Variants in MPDZ observed in about 807,000 individuals in gnomAD.
MPDZ encodes multiple PDZ domain crumbs cell polarity complex component, also known as multiple PDZ domain protein.
Under a neutral mutation model 239.1 loss-of-function variants are expected in MPDZ, and 234 were observed. The ratio of observed to expected loss-of-function variants is 0.98; its 90% CI spans 0.88 to 1.09. The LOEUF (loss-of-function observed/expected upper bound fraction) is 1.09. Among genes scored for constraint, MPDZ ranks in the 50% least tolerant of loss-of-function variants. MPDZ has a pLI of 0.00. For synonymous variants in MPDZ, 1,048 were observed against 881.3 expected (o/e 1.19, Z -3.35); for missense variants, 3,175 against 2,510.0 (o/e 1.26, Z -5.66).
At position 13,112,111 on chromosome 9, in the gene MPDZ, T is replaced by G. The variant is rs1942592221; in HGVS notation, c.5637A>C (p.Gly1879=). ...PTDSLGISIA[G]GVGSPLGDVP... is the part of the protein sequence containing the mutation. ...CATCACCAAGTGGGCTGCCTACTCC[T>G]CCAGCGATGCTGATTCCCAGTGAGT... is the stretch of plus-strand genomic sequence containing the variant. The change falls in exon 43 of 47, where the codon GGA becomes GGC. Residue 1879 remains glycine (G), a synonymous_variant. Transcript: ENST00000319217. 6.2e-7 allele frequency: 1 copy of G among 1,613,362 alleles called. No individual in the cohort carries two copies. The highest frequency in any genetic ancestry group is 2.2e-5 in the East Asian group (1 of 44,854).
At chr9:13,261,504 T>C (rs1047112774) in intron 1 of MPDZ, among the ~76,000 whole-genome samples, 1 of 152,164 alleles carries the variant, frequency 6.6e-6, no homozygotes, top group African/African-American at 2.4e-5. Flanking sequence ...CCCTTGTTCC[T>C]TTATTTCATT....
chr9:13,115,335 C>T lies in MPDZ; in HGVS notation c.5380-1G>A. On this transcript the variant is annotated splice_acceptor_variant, in intron 39 of 46. Coordinates refer to ENST00000319217, the MANE Select transcript of MPDZ (RefSeq NM_001378778.1). LOFTEE classifies it high-confidence loss of function. ...CCAAGGTTACTGTGCCTAGGGAACA[C>T]TGGGGGTGGGCATGGGGGGTGTTTT... is the stretch of plus-strand genomic sequence containing the variant. 1 of 1,611,386 alleles carries T rather than the reference C, an allele frequency of 6.2e-7. No homozygotes were observed. The highest frequency in any genetic ancestry group is 8.5e-7 in the Non-Finnish European group (1 of 1,178,746).
chr9:13,190,355 A>T, intron 15 of MPDZ, 56 bp from the exon 16 acceptor site: 1 of 1,347,606 alleles, frequency 7.4e-7, no homozygotes, highest in Non-Finnish European at 9.6e-7. Flanking sequence ...TGACACACAT[A>T]CCAACACTAC....
In MPDZ at chr9:13,224,403, A is replaced by G; in HGVS notation, c.364T>C (p.Phe122Leu). 3.1e-6 allele frequency: 5 copies of G among 1,612,658 alleles called. No individual in the cohort carries two copies. The highest frequency in any genetic ancestry group is 4.2e-6 in the Non-Finnish European group (5 of 1,179,140). ...GCCATATTTTTGATAAGCTGATCAA[A>G]TTCATCACAAGCAGGTTTCCCATTA... ...HINGKPACDE[F>L]DQLIKNMAQG... Residue 122 changes from phenylalanine (F) to leucine (L), a missense_variant, in exon 4 of 47, where the codon TTT becomes CTT. Transcript: ENST00000319217.
At chr9:13,261,329 T>A (rs1026137925) in intron 1 of MPDZ, among the ~76,000 whole-genome samples, 1 of 152,104 alleles carries the variant, frequency 6.6e-6, no homozygotes, top group Non-Finnish European at 1.5e-5. Context: ...CAATCACTGA[T>A]CTCCATTTTT....
At chr9:13,263,910 A>G (rs1413558637) in intron 1 of MPDZ, among the ~76,000 whole-genome samples, 1 of 152,216 alleles carries the variant, frequency 6.6e-6, no homozygotes, top group Non-Finnish European at 1.5e-5. Flanking sequence ...CAATATATAT[A>G]AGCTAATACT....
Position 13,129,585 on chromosome 9 carries a change from C to G in MPDZ, c.4465-2813G>C, listed in dbSNP as rs116140583. Among the ~76,000 whole-genome samples the G allele has an allele frequency of 9.9e-3, 1,501 of 152,224 alleles. 7 individuals carry two copies. The highest frequency in any genetic ancestry group is 0.026 in the African/African-American group (1,091 of 41,564). On this transcript the variant is annotated intron_variant, in intron 32 of 46. Transcript: ENST00000319217. ...ATTTTTTATCTAACTGCTCAACTTT[C>G]CAACTTACTTTTACCAGAGTGCATA...
chr9:13,253,621 A>T (rs973937525), intron 1 of MPDZ, among the ~76,000 whole-genome samples: 3 of 152,196 alleles, frequency 2.0e-5, no homozygotes, highest in African/African-American at 7.2e-5. Flanking sequence ...TACCTGAGTG[A>T]TAACAGTGGG....
chr9:13,129,477 A>G (rs895173035), intron 32 of MPDZ, among the ~76,000 whole-genome samples: 2 of 151,758 alleles, frequency 1.3e-5, no homozygotes, highest in Non-Finnish European at 2.9e-5. Flanking sequence ...ATAAATAAAT[A>G]AATAAATAAA....
At chr9:13,143,674 T>A in intron 26 of MPDZ, 110 bp from the exon 27 acceptor site, 1 of 803,522 alleles carries the variant, frequency 1.2e-6, no homozygotes, top group Middle Eastern at 2.4e-4. Context: ...TGAAACTAGA[T>A]CCTATCAGAT....
In MPDZ at chr9:13,123,172, C is replaced by G. The variant is rs1357575894; in HGVS notation, c.4934G>C (p.Gly1645Ala). ...GRTGLGLSIVGGSDTLLGAII... is the reference protein window; with the variant it reads ...GRTGLGLSIVAGSDTLLGAII... The stretch of plus-strand genomic sequence containing the variant: ...GCTCACCAGCAGCGTGTCTGAACCC[C>G]CAACGATGCTCAGGCCCAGCCCTGT... The change falls in exon 36 of 47, where the codon GGG becomes GCG. Residue 1645 changes from glycine (G) to alanine (A), a missense_variant. Transcript: ENST00000319217. The G allele has an allele frequency of 6.2e-7, 1 of 1,612,368 alleles. No homozygotes were observed. Among genetic ancestry groups the G allele is most frequent in the Non-Finnish European group, 8.5e-7 (1 of 1,179,652 alleles).
At chr9:13,188,309 G>GAA (rs1954413803) in intron 17 of MPDZ, among the ~76,000 whole-genome samples, 1 of 152,082 alleles carries the variant, frequency 6.6e-6, no homozygotes, top group African/African-American at 2.4e-5. Flanking sequence ...CTTGAGGTAA[G>GAA]GAGTTCGAGA....
intron 10 of MPDZ, among the ~76,000 whole-genome samples, chr9:13,215,254 C>A (rs1958147404): frequency 1.3e-5 from 2 of 151,740 alleles, no homozygotes; most frequent in South Asian, 2.1e-4. Context: ...AGCATAATGT[C>A]CTCAAGGTTT....
intron 2 of MPDZ, 115 bp from the exon 3 acceptor site, chr9:13,247,916 T>A: frequency 9.6e-7 from 1 of 1,036,426 alleles, no homozygotes; most frequent in South Asian, 1.9e-5. Flanking sequence ...CATAAAATTG[T>A]CTCTTTTAAA....
chr9:13,222,118 T>G, intron 6 of MPDZ, 115 bp downstream of exon 6: 2 of 701,044 alleles, frequency 2.9e-6, no homozygotes, highest in Non-Finnish European at 4.5e-6. Flanking sequence ...AATAAAAGAA[T>G]AGTCAGACAA....
rs1013170897 is a variant in MPDZ at position 13,109,019 on chromosome 9, C to T, written c.5983G>A (p.Asp1995Asn). 1 of 1,588,852 alleles carries T rather than the reference C, an allele frequency of 6.3e-7. No individual in the cohort carries two copies. The highest frequency in any genetic ancestry group is 8.6e-7 in the Non-Finnish European group (1 of 1,165,944). The stretch of plus-strand genomic sequence containing the variant: ...CCAACTATACTGAAGCCTAAGCCAT[C>T]TGGTCCTCGCTCTAGTGTAATAGAC... ...CKSITLERGP[D>N]GLGFSIVGGY... Residue 1995 changes from aspartate (D) to asparagine (N), a missense_variant, in exon 46 of 47, where the codon GAT becomes AAT. Physicochemically the swap from Asp to Asn is conservative, Grantham distance 23. Transcript: ENST00000319217.
chr9:13,122,237 G>T, intron 36 of MPDZ, 67 bp from the exon 37 acceptor site: 1 of 1,389,220 alleles, frequency 7.2e-7, no homozygotes, highest in Non-Finnish European at 1.0e-6. Flanking sequence ...CAGAAATGGA[G>T]TCCAAACACA....
At chr9:13,108,486 A>G (rs185738537) in intron 46 of MPDZ, among the ~76,000 whole-genome samples, 69 of 152,184 alleles carry the variant, frequency 4.5e-4, no homozygotes, top group Non-Finnish European at 9.0e-4. Context: ...AATGAAATTA[A>G]ATTTATAAAA....
intron 10 of MPDZ, among the ~76,000 whole-genome samples, chr9:13,209,140 T>C (rs1163215188): frequency 1.3e-5 from 2 of 152,144 alleles, no homozygotes; most frequent in Admixed American, 1.3e-4. Flanking sequence ...TCTCATTAAG[T>C]GAGGCAATCA....
Sources: gnomAD v4.1 joint callset for allele counts (sites outside exome capture counted in the v4.1 genomes callset) on GRCh38, gnomAD v4.1.1 for gene constraint, MANE v1.5 for transcripts, NCBI Gene and HGNC (gene_info 2026-07-23, HGNC 2026-07-21) for gene names.